RIN3: variants seen among roughly 807,000 people sequenced by gnomAD.
RIN3 encodes RAB5 interacting protein 3.
Under a neutral mutation model 76.3 loss-of-function variants are expected in RIN3, and 54 were observed. That is an observed-to-expected ratio of 0.71 (90% confidence interval 0.57 to 0.89). The LOEUF is 0.89. Ranked by LOEUF, RIN3 falls within the 40% of genes least tolerant of loss-of-function variation. The pLI is 0.00. For missense variants in RIN3, 1,256 were observed against 1,322.1 expected, an observed-to-expected ratio of 0.95 and a Z score of 0.78; for synonymous variants, 576 against 564.0, an observed-to-expected ratio of 1.02 and a Z score of -0.30.
chr14:92,587,551 TG>T (rs1178467141), intron 3 of RIN3, among the ~76,000 whole-genome samples: 3 of 151,860 alleles, frequency 2.0e-5, no homozygotes, highest in African/African-American at 7.3e-5. Flanking sequence ...AAGGGAGAGA[TG>T]AGGGAAATGG....
intron 3 of RIN3, among the ~76,000 whole-genome samples, chr14:92,606,209 T>C (rs1471517401): frequency 1.4e-5 from 2 of 147,228 alleles, no homozygotes; most frequent in Non-Finnish European, 3.0e-5. Flanking sequence ...CATTTGCAAA[T>C]CACATATCTG....
At chr14:92,676,088 C>T (rs1163278322) in intron 7 of RIN3, among the ~76,000 whole-genome samples, 2 of 151,662 alleles carry the variant, frequency 1.3e-5, no homozygotes, top group African/African-American at 2.4e-5. Context: ...ATGTATGATT[C>T]GTGGGGATAG....
intron 2 of RIN3, among the ~76,000 whole-genome samples, chr14:92,575,262 C>T (rs1208332481): frequency 6.6e-6 from 1 of 152,122 alleles, no homozygotes; most frequent in Non-Finnish European, 1.5e-5. Context: ...AAGGTCAGGA[C>T]AGAGGGCTCC....
rs1038512371 is a variant in RIN3, at chr14:92,585,115, C to T, written c.367+7638C>T. ...GCAGCTGCAACTCCCTGGGCTCAAG[C>T]GATCCTCCTGCCTTAGCCGCCCAAG... On this transcript the variant is annotated intron_variant, in intron 3 of 9. Transcript: ENST00000216487. Among the ~76,000 whole-genome samples the T allele has an allele frequency of 2.6e-5, 4 of 152,140 alleles. No homozygotes were observed. In the South Asian group the frequency reaches 6.2e-4, roughly 24 times the overall value.
intron 1 of RIN3, among the ~76,000 whole-genome samples, chr14:92,520,267 G>A (rs961270416): frequency 2.0e-5 from 3 of 152,242 alleles, no homozygotes; most frequent in African/African-American, 7.2e-5. Flanking sequence ...ACATCCTATG[G>A]GGTAATGGTG....
intron 2 of RIN3, among the ~76,000 whole-genome samples, chr14:92,569,551 C>T (rs761192624): frequency 7.9e-5 from 12 of 151,998 alleles, no homozygotes; most frequent in Middle Eastern, 3.4e-3. Flanking sequence ...AGCCTGTCCC[C>T]AGCTGGAGGA....
chr14:92,577,235 C>T, intron 2 of RIN3, 125 bp from the exon 3 acceptor site: 1 of 641,630 alleles, frequency 1.6e-6, no homozygotes, highest in Non-Finnish European at 2.8e-6. Context: ...CTGAGGCATC[C>T]TTGATCTCCC....
At chr14:92,524,006 A>T (rs1041063525) in intron 1 of RIN3, among the ~76,000 whole-genome samples, 1 of 152,202 alleles carries the variant, frequency 6.6e-6, no homozygotes, top group African/African-American at 2.4e-5. Context: ...CAGACTGGGC[A>T]ACACAGCAAG....
chr14:92,553,174 A>G (rs988187383), intron 1 of RIN3, among the ~76,000 whole-genome samples: 3 of 152,182 alleles, frequency 2.0e-5, no homozygotes, highest in East Asian at 1.9e-4. Flanking sequence ...GTGCTAAGCC[A>G]TAGTTCGTGG....
intron 3 of RIN3, among the ~76,000 whole-genome samples, chr14:92,587,098 G>C (rs140023481): frequency 6.6e-6 from 1 of 152,220 alleles, no homozygotes; most frequent in Non-Finnish European, 1.5e-5. Flanking sequence ...ACAACCACCC[G>C]AGGGTGTTAG....
intron 4 of RIN3, among the ~76,000 whole-genome samples, chr14:92,627,561 A>G (rs1428826911): frequency 6.6e-6 from 1 of 152,208 alleles, no homozygotes. Flanking sequence ...CCACCAATGA[A>G]ATACTTCACC....
intron 1 of RIN3, among the ~76,000 whole-genome samples, chr14:92,541,067 A>G (rs1295803217): frequency 1.3e-5 from 2 of 152,222 alleles, no homozygotes; most frequent in African/African-American, 2.4e-5. Flanking sequence ...CCAACCTACT[A>G]TTTGTATTAA....
intron 2 of RIN3, among the ~76,000 whole-genome samples, chr14:92,573,078 C>T (rs892889335): frequency 1.4e-4 from 21 of 151,956 alleles, no homozygotes; most frequent in African/African-American, 4.8e-4. Context: ...AATGGGGTTT[C>T]ACCATGTTGG....
intron 2 of RIN3, among the ~76,000 whole-genome samples, chr14:92,563,379 A>C (rs1386660450): frequency 6.6e-6 from 1 of 152,006 alleles, no homozygotes; most frequent in African/African-American, 2.4e-5. Context: ...ACAAACAAAC[A>C]AACAACAAAC....
intron 3 of RIN3, among the ~76,000 whole-genome samples, chr14:92,598,227 A>G (rs1885220193): frequency 6.6e-6 from 1 of 152,152 alleles, no homozygotes; most frequent in Non-Finnish European, 1.5e-5. Flanking sequence ...AGGCCTGGAC[A>G]CTATATAAGG....
intron 6 of RIN3, 137 bp downstream of exon 6, chr14:92,653,212 C>A: frequency 5.5e-6 from 5 of 912,778 alleles, no homozygotes; most frequent in Admixed American, 2.9e-5. Context: ...GCACCAGGAA[C>A]TTTCTCTGGC....
At position 92,623,945 on chromosome 14, in the gene RIN3, C is replaced by T. The variant is rs577259563; in HGVS notation, c.440+8466C>T. On this transcript the variant is annotated intron_variant, in intron 4 of 9. Transcript: ENST00000216487. This position sits in a 1 kb window ranked among gnomAD's most constrained non-coding sequence, Gnocchi z 4.9. ...TTCAGGGAATAGCACAGAGAGAGTT[C>T]GACAGAATTCACTATCCCAGGCTGT... Among the ~76,000 whole-genome samples the T allele has an allele frequency of 6.6e-5, 10 of 152,296 alleles. No individual in the cohort carries two copies. The South Asian group carries it at 1.0e-3, about 16-fold the overall frequency.
chr14:92,622,890 CAT>C (rs1297977286), intron 4 of RIN3, among the ~76,000 whole-genome samples: 1 of 152,236 alleles, frequency 6.6e-6, no homozygotes, highest in Non-Finnish European at 1.5e-5. Context: ...TGAATTTATA[CAT>C]GTTCTGCTTT....
At chr14:92,625,572 TC>T (rs1886323383) in intron 4 of RIN3, among the ~76,000 whole-genome samples, 1 of 152,154 alleles carries the variant, frequency 6.6e-6, no homozygotes, top group South Asian at 2.1e-4. Context: ...TCTTTTTCCT[TC>T]CCCAACTCAG....
Sources: gnomAD v4.1 joint callset for allele counts (sites outside exome capture counted in the v4.1 genomes callset) on GRCh38, gnomAD v4.1.1 for gene constraint, Gnocchi (gnomAD v3.1) non-coding constraint, MANE v1.5 for transcripts, NCBI Gene and HGNC (gene_info 2026-07-23, HGNC 2026-07-21) for gene names.